The following XKR9 variants were observed in gnomAD, a reference collection of about 807,000 sequenced individuals.
XKR9 encodes the protein XK related 9, also known as XK-related protein 9.
A neutral mutation model predicts 32.0 loss-of-function variants in XKR9; 32 were observed. The ratio of observed to expected loss-of-function variants is 1.00; its 90% CI spans 0.76 to 1.34. The LOEUF (loss-of-function observed/expected upper bound fraction) is 1.34. Among genes scored for constraint, XKR9 ranks in the 40% most tolerant of loss-of-function variants. XKR9 has a pLI of 0.00. For missense variants in XKR9, 546 were observed against 429.7 expected, an observed-to-expected ratio of 1.27 and a Z score of -2.39; for synonymous variants, 168 against 143.4, an observed-to-expected ratio of 1.17 and a Z score of -1.22.
the XKR9 span, among the ~76,000 whole-genome samples, chr8:70,981,835 C>T: frequency 3.9e-5 from 6 of 152,134 alleles, no homozygotes; most frequent in Non-Finnish European, 7.3e-5. Flanking sequence ...ATAGGGTGCT[C>T]CTTGATATGA....
chr8:70,678,112 A>G (rs1351455839), intron 2 of XKR9: 10 of 152,072 alleles, frequency 6.6e-5, no homozygotes, highest in African/African-American at 2.4e-4. Context: ...CACATGGCCA[A>G]TTTCACTACT....
the XKR9 span, among the ~76,000 whole-genome samples, chr8:71,022,416 G>T: frequency 6.6e-6 from 1 of 151,644 alleles, no homozygotes; most frequent in African/African-American, 2.4e-5. Context: ...TGATTGGCAG[G>T]TTTTTTTTCA....
At chr8:70,945,131 T>C in the XKR9 span, among the ~76,000 whole-genome samples, 1 of 152,240 alleles carries the variant, frequency 6.6e-6, no homozygotes, top group African/African-American at 2.4e-5. Context: ...TGTAATACTT[T>C]ATCATTGTTA....
At chr8:70,726,438 G>C (rs1806472660) in intron 4 of XKR9, among the ~76,000 whole-genome samples, 1 of 152,220 alleles carries the variant, frequency 6.6e-6, no homozygotes, top group Admixed American at 6.5e-5. Flanking sequence ...AGTTCTGAAT[G>C]AAAAATTACA....
At chr8:70,834,676 G>T in the XKR9 span, among the ~76,000 whole-genome samples, 11 of 152,142 alleles carry the variant, frequency 7.2e-5, no homozygotes, top group Admixed American at 3.3e-4. Flanking sequence ...AAATCCTTGC[G>T]TATATTCGTT....
chr8:71,053,520 CAG>C, the XKR9 span, among the ~76,000 whole-genome samples: 2 of 152,208 alleles, frequency 1.3e-5, no homozygotes, highest in African/African-American at 4.8e-5. Context: ...TGCCGCAGTT[CAG>C]ACTGAATCTG....
chr8:70,849,612 G>A, the XKR9 span, among the ~76,000 whole-genome samples: 1 of 152,018 alleles, frequency 6.6e-6, no homozygotes, highest in African/African-American at 2.4e-5. Flanking sequence ...AAATAAGTAA[G>A]AGCAGAGCAG....
chr8:70,685,346 G>A lies in XKR9; in HGVS notation c.272+4016G>A, dbSNP rs1301065113. On this transcript the variant is annotated intron_variant, in intron 3 of 4. Coordinates refer to ENST00000408926, the MANE Select transcript of XKR9 (RefSeq NM_001011720.2). ...AACATCACACCCTGGGGACTGTTGT[G>A]GGGTGGGGGGAGGGGGGAGGGATAG... Among the ~76,000 whole-genome samples, 72 of 101,890 alleles carry A rather than the reference G, an allele frequency of 7.1e-4. 1 individual carries two copies. The highest frequency in any genetic ancestry group is 0.011 in the Middle Eastern group (2 of 176). The allele number at this position is 101,890 out of a possible 152,430, so 66.8% of individuals were successfully genotyped here.
At chr8:70,765,096 G>A (rs571582125) in intron 2 of XKR9, among the ~76,000 whole-genome samples, 1 of 152,100 alleles carries the variant, frequency 6.6e-6, no homozygotes, top group Non-Finnish European at 1.5e-5. Context: ...ATAATCCTTT[G>A]GGAATATACC....
At chr8:70,968,716 TG>T in the XKR9 span, among the ~76,000 whole-genome samples, 2 of 152,162 alleles carry the variant, frequency 1.3e-5, no homozygotes, top group African/African-American at 4.8e-5. Flanking sequence ...TGCAGTTTGC[TG>T]GGGGTCCACT....
the XKR9 span, among the ~76,000 whole-genome samples, chr8:70,804,633 A>G: frequency 1.3e-5 from 2 of 152,224 alleles, no homozygotes; most frequent in Non-Finnish European, 2.9e-5. Context: ...AGGGCGAAAA[A>G]ATTATGAAAC....
the XKR9 span, among the ~76,000 whole-genome samples, chr8:71,015,452 G>A: frequency 6.6e-6 from 1 of 152,288 alleles, no homozygotes; most frequent in South Asian, 2.1e-4. Flanking sequence ...TTTTTTGACA[G>A]AGTACATGCA....
chr8:70,761,511 A>T (rs1183085649), intron 2 of XKR9, among the ~76,000 whole-genome samples: 3 of 152,200 alleles, frequency 2.0e-5, no homozygotes, highest in Middle Eastern at 3.4e-3. Flanking sequence ...TCTTCTTTTG[A>T]GAAGTGTCTG....
At chr8:70,738,594 C>G (rs1013898199), downstream of XKR9, among the ~76,000 whole-genome samples, 1 of 151,718 alleles carries the variant, frequency 6.6e-6, no homozygotes, top group African/African-American at 2.4e-5. Context: ...CCTGCTTTCT[C>G]TTGTGGGCAT....
At chr8:70,724,374 T>C (rs1021042854) in intron 4 of XKR9, among the ~76,000 whole-genome samples, 2 of 151,726 alleles carry the variant, frequency 1.3e-5, no homozygotes, top group Non-Finnish European at 2.9e-5. Context: ...TTCAGTTCCC[T>C]TTCCAGGGGA....
At chr8:71,053,727 A>G in the XKR9 span, among the ~76,000 whole-genome samples, 1 of 152,222 alleles carries the variant, frequency 6.6e-6, no homozygotes. Context: ...CCACAAATTC[A>G]CAGGTAAAGT....
the XKR9 span, among the ~76,000 whole-genome samples, chr8:70,828,120 G>A: frequency 1.3e-5 from 2 of 152,272 alleles, no homozygotes; most frequent in South Asian, 2.1e-4. Context: ...CGAAGTTAGG[G>A]TTTTGTTTCA....
rs1007319569 is a variant in XKR9, at chr8:70,734,386, C to T, written c.1084C>T (p.Leu362=). ...TGATGAAATTGATGGAAAACCAGTT[C>T]TAAGAGAATGTAGAATGAGATATTT... is the stretch of plus-strand genomic sequence containing the variant. ...KCDEIDGKPV[L]RECRMRYFLM... is the part of the protein sequence containing the mutation. The change falls in exon 5 of 5, where the codon CTA becomes TTA. Residue 362 remains leucine (L), a synonymous_variant. Transcript: ENST00000408926. The T allele has an allele frequency of 2.5e-6, 4 of 1,604,404 alleles. No individual in the cohort carries two copies. The highest frequency in any genetic ancestry group is 2.5e-6 in the Non-Finnish European group (3 of 1,177,984).
the XKR9 span, among the ~76,000 whole-genome samples, chr8:71,046,888 G>A: frequency 6.6e-6 from 1 of 152,134 alleles, no homozygotes; most frequent in Non-Finnish European, 1.5e-5. Flanking sequence ...ACTCCTTTGA[G>A]TCCTCTTCAT....
Sources: gnomAD v4.1 joint callset for allele counts (sites outside exome capture counted in the v4.1 genomes callset) on GRCh38, gnomAD v4.1.1 for gene constraint, MANE v1.5 for transcripts, NCBI Gene and HGNC (gene_info 2026-07-23, HGNC 2026-07-21) for gene names.